The following SLC1A2 variants were observed in gnomAD, a reference collection of about 807,000 sequenced individuals.
SLC1A2 encodes excitatory amino acid transporter 2.
Under a neutral mutation model 48.8 loss-of-function variants are expected in SLC1A2, and 15 were observed. That is an observed-to-expected ratio of 0.31 (90% CI 0.21 to 0.47). SLC1A2 has a LOEUF of 0.47. SLC1A2 is among the 20% of genes least tolerant of loss of function. The pLI is 0.99. For missense variants in SLC1A2, 502 were observed against 730.5 expected (o/e 0.69, Z 3.61); for synonymous variants, 279 against 272.6 (o/e 1.02, Z -0.23).
chr11:35,368,953 C>T (rs1853960908), intron 1 of SLC1A2, among the ~76,000 whole-genome samples: 1 of 152,200 alleles, frequency 6.6e-6, no homozygotes, highest in African/African-American at 2.4e-5. Flanking sequence ...ATGGACAGTG[C>T]CATTCCTGTA....
intron 1 of SLC1A2, among the ~76,000 whole-genome samples, chr11:35,357,851 A>G (rs925619571): frequency 5.9e-5 from 9 of 152,200 alleles, no homozygotes; most frequent in African/African-American, 1.9e-4. Flanking sequence ...TTTTCTTTAA[A>G]AAAAGGGGGG....
chr11:35,290,246 G>A (rs1216914279), intron 7 of SLC1A2, among the ~76,000 whole-genome samples: 1 of 152,184 alleles, frequency 6.6e-6, no homozygotes, highest in African/African-American at 2.4e-5. Context: ...CAACCTTGCA[G>A]AGATGTATTT....
intron 1 of SLC1A2, among the ~76,000 whole-genome samples, chr11:35,365,162 C>T (rs115252601): frequency 0.014 from 2,064 of 152,312 alleles, 47 homozygotes; most frequent in African/African-American, 0.046. Flanking sequence ...GGAGATGATA[C>T]TGAGGAGGCC....
chr11:35,295,299 A>C (rs7946149), intron 6 of SLC1A2, among the ~76,000 whole-genome samples: 62,976 of 151,962 alleles, frequency 0.41, 13,203 homozygotes, highest in South Asian at 0.55. Flanking sequence ...AACCTCCCAC[A>C]TCAGCCTCCC....
rs116286736 is a variant in SLC1A2 at position 35,384,208 on chromosome 11, A to C, written c.17+34742T>G. On this transcript the variant is annotated intron_variant, in intron 1 of 10. Transcript: ENST00000278379. ...ATAGTAATAGAAGCTGTCTTGTCAC[A>C]TGTAACTTAAACCGGTGAGTGGGTG... 5.5e-3 allele frequency among the ~76,000 whole-genome samples: 843 copies of C among 152,340 alleles called. 4 individuals carry two copies. The highest frequency in any genetic ancestry group is 0.018 in the African/African-American group (730 of 41,570).
intron 9 of SLC1A2, among the ~76,000 whole-genome samples, chr11:35,275,989 C>T (rs1412615541): frequency 1.3e-5 from 2 of 152,208 alleles, no homozygotes; most frequent in African/African-American, 4.8e-5. Context: ...CAAAGCAGAT[C>T]TGACCTAGCT....
intron 9 of SLC1A2, among the ~76,000 whole-genome samples, chr11:35,265,964 C>T (rs1950476737): frequency 6.6e-6 from 1 of 152,132 alleles, no homozygotes; most frequent in Non-Finnish European, 1.5e-5. Context: ...CTCTCATAGG[C>T]CGTGTGAAAA....
intron 1 of SLC1A2, chr11:35,360,143 G>A (rs1042224846): frequency 9.3e-6 from 9 of 967,582 alleles, no homozygotes; most frequent in Admixed American, 6.1e-5. Flanking sequence ...AAAAGCTGTC[G>A]GGGGCTTTAA....
chr11:35,367,531 G>C (rs902210824), intron 1 of SLC1A2, among the ~76,000 whole-genome samples: 1 of 138,122 alleles, frequency 7.2e-6, no homozygotes, highest in Non-Finnish European at 1.6e-5. Context: ...CTTCAGAACA[G>C]GCTAAATTCA....
chr11:35,379,410 A>G (rs1854347465), intron 1 of SLC1A2, among the ~76,000 whole-genome samples: 2 of 152,226 alleles, frequency 1.3e-5, no homozygotes, highest in Admixed American at 6.5e-5. Context: ...TCAATAGGCA[A>G]TACAGACTTT....
At chr11:35,385,556 A>G (rs559151489) in intron 1 of SLC1A2, among the ~76,000 whole-genome samples, 2 of 152,310 alleles carry the variant, frequency 1.3e-5, no homozygotes, top group South Asian at 4.1e-4. Context: ...CCTTACAGCG[A>G]CATGGTTTGG....
chr11:35,368,295 T>C (rs1347896749), intron 1 of SLC1A2, among the ~76,000 whole-genome samples: 1 of 152,222 alleles, frequency 6.6e-6, no homozygotes, highest in African/African-American at 2.4e-5. Context: ...ATTTACAGCT[T>C]GTCAGCTGCA....
chr11:35,318,082 A>T (rs538156300), intron 1 of SLC1A2, among the ~76,000 whole-genome samples: 1 of 152,308 alleles, frequency 6.6e-6, no homozygotes, highest in Non-Finnish European at 1.5e-5. Context: ...TAATAATTCA[A>T]CCTATTGTGG....
chr11:35,333,846 T>TTTTG, intron 1 of SLC1A2, among the ~76,000 whole-genome samples: 1 of 145,370 alleles, frequency 6.9e-6, no homozygotes, highest in East Asian at 2.0e-4. Context: ...TTTTTTTTTT[T>TTTTG]TTTTGTATTT....
intron 9 of SLC1A2, 73 bp from the exon 10 acceptor site, chr11:35,265,831 G>A: frequency 1.1e-6 from 1 of 913,214 alleles, no homozygotes; most frequent in Non-Finnish European, 1.7e-6. Flanking sequence ...AAGGTCTGGA[G>A]TCAGAGAGAC....
intron 1 of SLC1A2, among the ~76,000 whole-genome samples, chr11:35,412,157 A>C (rs1334783034): frequency 1.5e-5 from 2 of 129,640 alleles, no homozygotes; most frequent in Non-Finnish European, 1.5e-5. Flanking sequence ...ATTAGATGAC[A>C]AAAAAAACCT....
intron 1 of SLC1A2, among the ~76,000 whole-genome samples, chr11:35,385,708 T>A (rs1402654889): frequency 2.6e-5 from 4 of 152,214 alleles, no homozygotes; most frequent in Non-Finnish European, 4.4e-5. Flanking sequence ...TGGATTCTCC[T>A]TAGCATCTTC....
intron 7 of SLC1A2, 118 bp downstream of exon 7, chr11:35,292,169 A>T: frequency 2.7e-6 from 2 of 741,934 alleles, no homozygotes; most frequent in Non-Finnish European, 4.7e-6. Context: ...AAAAGATCTT[A>T]GTAATGTGTG....
chr11:35,318,217 C>G (rs1456874238), intron 1 of SLC1A2, among the ~76,000 whole-genome samples: 5 of 152,222 alleles, frequency 3.3e-5, no homozygotes, highest in Non-Finnish European at 1.5e-5. Flanking sequence ...CAGCCAAGCC[C>G]TTTTCTGGGT....
Sources: gnomAD v4.1 joint callset for allele counts (sites outside exome capture counted in the v4.1 genomes callset) on GRCh38, gnomAD v4.1.1 for gene constraint, MANE v1.5 for transcripts, NCBI Gene and HGNC (gene_info 2026-07-23, HGNC 2026-07-21) for gene names.